The following CUBN variants were observed in gnomAD, a reference collection of about 807,000 sequenced individuals.
CUBN encodes the protein 460 kDa receptor.
A neutral mutation model predicts 405.3 loss-of-function variants in CUBN; 282 were observed. That is an observed-to-expected ratio of 0.70 (90% CI 0.63 to 0.77). The LOEUF (loss-of-function observed/expected upper bound fraction) is 0.77, where lower values mean the gene tolerates loss of function less well. Among genes scored for constraint, CUBN ranks in the 30% least tolerant of loss-of-function variants. CUBN has a pLI of 0.00. For missense variants in CUBN, 4,514 were observed against 4,475.2 expected (o/e 1.01, Z -0.25); for synonymous variants, 1,684 against 1,617.0 (o/e 1.04, Z -0.99).
chr10:17,087,466 C>CTT (rs879308596), intron 15 of CUBN, among the ~76,000 whole-genome samples: 12 of 79,784 alleles, frequency 1.5e-4, no homozygotes, highest in East Asian at 1.1e-3. Context: ...TATTATTTTT[C>CTT]TTTTTCTTTT....
chr10:16,954,502 C>A lies in CUBN; in HGVS notation c.4742G>T (p.Cys1581Phe), dbSNP rs1299876085. 6.2e-7 allele frequency: 1 copy of A among 1,613,996 alleles called. No homozygotes were observed. The change falls in exon 32 of 67, where the codon TGT (cysteine) becomes TTT (phenylalanine). Residue 1581 changes from cysteine to phenylalanine, a missense_variant. By Grantham distance (205) the Cys-to-Phe change is radical. Transcript: ENST00000377833. ...GGGGTTAGCCAGCTGCTCCCTTCCACACGTCCTGGCAAGGCGGGACATTGT... is the reference window on the plus strand; with the variant it reads ...GGGGTTAGCCAGCTGCTCCCTTCCAAACGTCCTGGCAAGGCGGGACATTGT... ...SSTMSRLART[C>F]GREQLANPIV...
At chr10:16,878,900 T>C (rs1268021354) in intron 56 of CUBN, among the ~76,000 whole-genome samples, 1 of 152,258 alleles carries the variant, frequency 6.6e-6, no homozygotes, top group Admixed American at 6.5e-5. Context: ...AGTATGTCAT[T>C]CCTCTTTATG....
At position 16,994,923 on chromosome 10, in the gene CUBN, T is replaced by C. The variant is rs375955691; in HGVS notation, c.4169-4408A>G. Among the ~76,000 whole-genome samples the C allele has an allele frequency of 1.5e-3, 231 of 152,250 alleles. 2 individuals are homozygous for C. Among genetic ancestry groups the C allele is most frequent in the African/African-American group, 5.2e-3 (216 of 41,546 alleles). On this transcript the variant is annotated intron_variant, in intron 28 of 66. Transcript: ENST00000377833. ...TGTCCCAACATGGTGAAACCCTGTC[T>C]CTACTAAAAATGCAAAAATTAGCTG...
Position 17,068,606 on chromosome 10 carries a change from C to T in CUBN, c.2790G>A (p.Leu930=), listed in dbSNP as rs753497576. Reference sequence around the variant, plus strand: ...AAAAAAAAGGGAACAGTCTCTTACCCAAATCCTCAGCACTGAACTTAGCCA... The same window carrying T: ...AAAAAAAAGGGAACAGTCTCTTACCTAAATCCTCAGCACTGAACTTAGCCA... The part of the protein sequence containing the change: ...GFMAKFSAED[L]ACGEILTEST... The change falls in exon 20 of 67, where the codon TTG becomes TTA. Residue 930 remains leucine (L), a splice_region_variant and synonymous_variant. Transcript: ENST00000377833. 3 of 1,610,972 alleles carry T rather than the reference C, an allele frequency of 1.9e-6. No homozygotes were observed. The South Asian group carries it at 3.3e-5, about 18-fold the overall frequency.
chr10:17,056,965 C>G (rs1835409859), intron 22 of CUBN, among the ~76,000 whole-genome samples: 1 of 152,106 alleles, frequency 6.6e-6, no homozygotes. Flanking sequence ...TATTAGTCAT[C>G]AGGGAAATGC....
At chr10:16,899,898 C>T (rs541081280) in intron 53 of CUBN, among the ~76,000 whole-genome samples, 1 of 152,154 alleles carries the variant, frequency 6.6e-6, no homozygotes, top group Non-Finnish European at 1.5e-5. Flanking sequence ...TGTGACTCTA[C>T]CAGAAATAAT....
chr10:16,839,729 G>A (rs544456917), intron 62 of CUBN, among the ~76,000 whole-genome samples: 9 of 149,184 alleles, frequency 6.0e-5, no homozygotes, highest in African/African-American at 1.7e-4. Flanking sequence ...TATACCCAAA[G>A]GATTATAAAT....
rs1383510031 is a variant in CUBN, at chr10:17,104,482, C to T, written c.1354G>A (p.Asp452Asn). Residue 452 changes from aspartate (D) to asparagine (N), a missense_variant, in exon 12 of 67, where the codon GAT becomes AAT. By Grantham distance (23) the Asp-to-Asn change is conservative. Around this residue, in one of 5 missense-constraint regions of CUBN, gnomAD observed 1,448 missense variants for 1,388.0 expected, o/e 1.04. Coordinates refer to ENST00000377833, the MANE Select transcript of CUBN (RefSeq NM_001081.4). ...CGTGTGCATTCACAACTGAAAGAATCAACGCCATCAACACAAGTTCCTCCA... is the reference window on the plus strand; with the variant it reads ...CGTGTGCATTCACAACTGAAAGAATTAACGCCATCAACACAAGTTCCTCCA... ...LNGGTCVDGV[D>N]SFSCECTRLW... 3 of 1,613,872 alleles carry T rather than the reference C, an allele frequency of 1.9e-6. No individual in the cohort carries two copies. Among genetic ancestry groups the T allele is most frequent in the Non-Finnish European group, 2.5e-6 (3 of 1,180,004 alleles).
chr10:17,021,390 A>G (rs939147567), intron 27 of CUBN, among the ~76,000 whole-genome samples: 1 of 152,206 alleles, frequency 6.6e-6, no homozygotes, highest in Non-Finnish European at 1.5e-5. Flanking sequence ...CTTCCTCAGG[A>G]CTAAGGCCAT....
At chr10:16,961,868 C>T (rs1297953570) in intron 31 of CUBN, among the ~76,000 whole-genome samples, 1 of 151,890 alleles carries the variant, frequency 6.6e-6, no homozygotes. Flanking sequence ...CCCGCCACTA[C>T]GCCTGGCTAA....
At chr10:17,027,380 A>C (rs2131799239) in intron 27 of CUBN, among the ~76,000 whole-genome samples, 1 of 152,308 alleles carries the variant, frequency 6.6e-6, no homozygotes, top group Middle Eastern at 3.4e-3. Context: ...TAGGTGAAAA[A>C]AGTCATTATG....
rs1459416262 is a variant in CUBN at position 17,020,034 on chromosome 10, G to A, written c.4018-51C>T. ...TATAAAAACACATGGTTTGTGGGAT[G>A]GAAAAATCCAAGTCTACACAAGTAG... On this transcript the variant is annotated intron_variant, in intron 27 of 66. Coordinates refer to ENST00000377833, the MANE Select transcript of CUBN (RefSeq NM_001081.4). The A allele has an allele frequency of 3.7e-6, 6 of 1,604,970 alleles. No homozygotes were observed. In the African/African-American group the frequency reaches 8.0e-5, roughly 21 times the overall value.
intron 6 of CUBN, among the ~76,000 whole-genome samples, chr10:17,119,304 T>G (rs1205817079): frequency 6.6e-6 from 1 of 152,182 alleles, no homozygotes; most frequent in East Asian, 1.9e-4. Flanking sequence ...GAGCCCTAAA[T>G]GTACAACACA....
chr10:16,930,843 T>TA (rs1288727488), intron 40 of CUBN, among the ~76,000 whole-genome samples: 6 of 152,246 alleles, frequency 3.9e-5, no homozygotes, highest in African/African-American at 1.4e-4. Context: ...GAATAGCCTA[T>TA]AAGTATCTTT....
chr10:16,963,673 T>C (rs1843305399), intron 31 of CUBN, among the ~76,000 whole-genome samples: 1 of 152,114 alleles, frequency 6.6e-6, no homozygotes, highest in South Asian at 2.1e-4. Context: ...AACAGGAGAA[T>C]GGGCAAATGA....
At position 16,982,548 on chromosome 10, in the gene CUBN, C is replaced by A. The variant is rs778969557; in HGVS notation, c.4631G>T (p.Arg1544Ile). ...TDCSWVIRVD[R>I]NHRVLLNFTD... ...GAAGTTCAAGAGAACACGATGATTT[C>A]TGTCAACCCGAATGACCCAAGAACA... The change falls in exon 31 of 67, where the codon AGA becomes ATA. Residue 1544 changes from arginine (R) to isoleucine (I), a missense_variant. Arg to Ile is a moderately conservative substitution (Grantham distance 97). Coordinates refer to ENST00000377833, the MANE Select transcript of CUBN (RefSeq NM_001081.4). 8.1e-6 allele frequency: 13 copies of A among 1,613,892 alleles called. No homozygotes were observed. The highest frequency in any genetic ancestry group is 1.1e-5 in the Non-Finnish European group (13 of 1,179,836).
intron 2 of CUBN, 65 bp downstream of exon 2, chr10:17,129,056 C>G (rs2131331272): frequency 7.6e-7 from 1 of 1,312,700 alleles, no homozygotes; most frequent in East Asian, 2.3e-5. Flanking sequence ...TTAATCTAGA[C>G]TTGTTCAATT....
intron 5 of CUBN, among the ~76,000 whole-genome samples, chr10:17,123,234 A>T (rs1224637912): frequency 6.6e-6 from 1 of 152,108 alleles, no homozygotes; most frequent in East Asian, 1.9e-4. Flanking sequence ...TTCCATCGTT[A>T]TCAGAAAAAA....
chr10:17,005,183 C>A (rs1351955551), intron 28 of CUBN, among the ~76,000 whole-genome samples: 1 of 152,140 alleles, frequency 6.6e-6, no homozygotes, highest in African/African-American at 2.4e-5. Flanking sequence ...TGTGATGTTT[C>A]CTATCAGTTG....
Sources: allele counts gnomAD v4.1 joint callset (sites outside exome capture counted in the v4.1 genomes callset), GRCh38; gene constraint gnomAD v4.1.1; regional missense constraint gnomAD v4.1.1; transcripts MANE v1.5; gene names NCBI Gene and HGNC (gene_info 2026-07-23, HGNC 2026-07-21).